Variants in DIP2C observed in about 807,000 individuals in gnomAD.
The protein encoded by DIP2C is DIP2 acetate--CoA ligase C (putative).
Under a neutral mutation model 192.4 loss-of-function variants are expected in DIP2C, and 33 were observed. That is an observed-to-expected ratio of 0.17 (90% CI 0.13 to 0.23). The LOEUF is 0.23. DIP2C is among the 10% of genes least tolerant of loss of function. The probability of loss-of-function intolerance (pLI) is 1.00; values close to 1 mark genes in which losing one functional copy is unlikely to be tolerated. For synonymous variants in DIP2C, 979 were observed against 864.1 expected (o/e 1.13, Z -2.33); for missense variants, 1,537 against 2,110.1 (o/e 0.73, Z 5.32).
intron 1 of DIP2C, among the ~76,000 whole-genome samples, chr10:661,299 T>C (rs1204357551): frequency 1.3e-5 from 2 of 152,188 alleles, no homozygotes; most frequent in Non-Finnish European, 2.9e-5. Context: ...TTCTTCCGTG[T>C]ACCTTTGCCC....
At position 601,010 on chromosome 10, in the gene DIP2C, C is replaced by T. The variant is rs114295155; in HGVS notation, c.85+88484G>A. ...CCTTGCCAAGACTCATGGCACGTTA[C>T]ATGTTCACCTGAGAAGGCTGCTCAG... is the stretch of plus-strand genomic sequence containing the variant. On this transcript the variant is annotated intron_variant, in intron 1 of 36. Transcript: ENST00000280886. 4.9e-3 allele frequency among the ~76,000 whole-genome samples: 745 copies of T among 152,300 alleles called. 6 individuals are homozygous for T. Among genetic ancestry groups the T allele is most frequent in the African/African-American group, 0.017 (694 of 41,554 alleles).
At position 636,334 on chromosome 10, in the gene DIP2C, G is replaced by A. The variant is rs1011313821; in HGVS notation, c.85+53160C>T. 3.9e-5 allele frequency among the ~76,000 whole-genome samples: 6 copies of A among 152,094 alleles called. No homozygotes were observed. Among genetic ancestry groups the A allele is most frequent in the African/African-American group, 1.4e-4 (6 of 41,398 alleles). Reference sequence around the variant, plus strand: ...AAATGTTCAAACATATTTAAAAAGTGGAAGAACAGTACAATGAGTGGCCAA... The same window carrying A: ...AAATGTTCAAACATATTTAAAAAGTAGAAGAACAGTACAATGAGTGGCCAA... On this transcript the variant is annotated intron_variant, in intron 1 of 36. Coordinates refer to ENST00000280886, the MANE Select transcript of DIP2C (RefSeq NM_014974.3). This position sits in a 1 kb window ranked among gnomAD's most constrained non-coding sequence, Gnocchi z 4.6.
At chr10:471,713 C>A (rs1312124484) in intron 3 of DIP2C, among the ~76,000 whole-genome samples, 1 of 147,536 alleles carries the variant, frequency 6.8e-6, no homozygotes, top group African/African-American at 2.7e-5. Flanking sequence ...GTTGGAAAAA[C>A]TCTCTCAGAA....
chr10:389,866 A>G, intron 13 of DIP2C, 125 bp downstream of exon 13: 1 of 753,160 alleles, frequency 1.3e-6, no homozygotes, highest in South Asian at 1.7e-5. Flanking sequence ...CAATAAGTTC[A>G]TGTCAGCGGA....
At chr10:369,049 C>T (rs769349701) in intron 18 of DIP2C, among the ~76,000 whole-genome samples, 1 of 152,260 alleles carries the variant, frequency 6.6e-6, no homozygotes, top group Non-Finnish European at 1.5e-5. Context: ...AAGGTCTCTA[C>T]TGCTGAAAAC....
intron 17 of DIP2C, among the ~76,000 whole-genome samples, chr10:375,324 T>C (rs1459647060): frequency 2.0e-5 from 3 of 152,196 alleles, no homozygotes; most frequent in African/African-American, 7.2e-5. Context: ...GGCTCCCACT[T>C]TGCCTTCTGC....
chr10:541,675 A>T (rs1335355770), intron 1 of DIP2C, among the ~76,000 whole-genome samples: 1 of 61,242 alleles, frequency 1.6e-5, no homozygotes, highest in Admixed American at 1.7e-4. Flanking sequence ...CTCTCCTGGA[A>T]CCCCAAGAGT....
intron 7 of DIP2C, 41 bp downstream of exon 7, chr10:415,728 A>G: frequency 6.2e-7 from 1 of 1,610,728 alleles, no homozygotes; most frequent in South Asian, 1.1e-5. Context: ...ACGGGACCAT[A>G]GGAGCATCTG....
intron 9 of DIP2C, 135 bp from the exon 10 acceptor site, chr10:399,354 GC>G: frequency 3.1e-6 from 2 of 645,492 alleles, no homozygotes; most frequent in Non-Finnish European, 5.5e-6. Context: ...ATTTCAGTAA[GC>G]TGTGTTTTAA....
chr10:586,886 C>T (rs1327099266), intron 1 of DIP2C, among the ~76,000 whole-genome samples: 1 of 151,758 alleles, frequency 6.6e-6, no homozygotes, highest in Non-Finnish European at 1.5e-5. Context: ...GGAGGGGCGA[C>T]CAGCATGAGT....
At chr10:335,977 C>A (rs1445404937) in intron 29 of DIP2C, among the ~76,000 whole-genome samples, 1 of 152,172 alleles carries the variant, frequency 6.6e-6, no homozygotes, top group Non-Finnish European at 1.5e-5. Context: ...CAGCTTACTG[C>A]AACCTCAACC....
chr10:508,185 T>TAC lies in DIP2C; in HGVS notation c.86-21657_86-21656dup, dbSNP rs1419312165. Among the ~76,000 whole-genome samples, 9 of 152,266 alleles carry TAC rather than the reference T, an allele frequency of 5.9e-5. No homozygotes were observed. The South Asian group carries it at 1.9e-3, about 32-fold the overall frequency. On this transcript the variant is annotated intron_variant, in intron 1 of 36. Transcript: ENST00000280886. ...GGCTCACCACCGCGATTCAGTCACT[T>TAC]ACACCCTCATTCCAGGCTGAAAATC...
chr10:578,364 A>T lies in DIP2C; in HGVS notation c.86-91834T>A, dbSNP rs538563042. Among the ~76,000 whole-genome samples, 24 of 152,208 alleles carry T rather than the reference A, an allele frequency of 1.6e-4. 2 individuals are homozygous for T. The highest frequency in any genetic ancestry group is 2.5e-4 in the Non-Finnish European group (17 of 68,038). Reference sequence around the variant, plus strand: ...GTTTCCTGATGAGTGGCGACTTCTCATTTATTGAGCTGAGGGCTGACAAAG... The same window carrying T: ...GTTTCCTGATGAGTGGCGACTTCTCTTTTATTGAGCTGAGGGCTGACAAAG... On this transcript the variant is annotated intron_variant, in intron 1 of 36. Transcript: ENST00000280886.
At chr10:629,163 G>T (rs1372881482) in intron 1 of DIP2C, among the ~76,000 whole-genome samples, 1 of 152,194 alleles carries the variant, frequency 6.6e-6, no homozygotes, top group Non-Finnish European at 1.5e-5. Context: ...CAGACGGAAG[G>T]AACTGGCGGT....
chr10:398,910 C>T (rs1166691572), intron 10 of DIP2C, among the ~76,000 whole-genome samples, 199 bp downstream of exon 10: 1 of 152,196 alleles, frequency 6.6e-6, no homozygotes, highest in African/African-American at 2.4e-5. Context: ...CCACGTTTGA[C>T]CCCAAAGCAA....
chr10:583,705 T>TCATC (rs1215161440), intron 1 of DIP2C, among the ~76,000 whole-genome samples: 2 of 152,126 alleles, frequency 1.3e-5, no homozygotes, highest in Non-Finnish European at 2.9e-5. Flanking sequence ...TCTGCCACGG[T>TCATC]CATCCTCCTT....
chr10:579,980 A>C (rs548680894), intron 1 of DIP2C, among the ~76,000 whole-genome samples: 1 of 151,818 alleles, frequency 6.6e-6, no homozygotes, highest in South Asian at 2.1e-4. Context: ...GCCAATGTAC[A>C]TATACAGGTA....
chr10:619,069 T>A lies in DIP2C; in HGVS notation c.85+70425A>T, dbSNP rs555302486. Among the ~76,000 whole-genome samples the A allele has an allele frequency of 3.3e-5, 5 of 152,206 alleles. No individual in the cohort carries two copies. The South Asian group carries it at 1.0e-3, about 32-fold the overall frequency. On this transcript the variant is annotated intron_variant, in intron 1 of 36. Coordinates refer to ENST00000280886, the MANE Select transcript of DIP2C (RefSeq NM_014974.3). ...GAATTCTAGTCGCTGTCTCCTGAGC[T>A]GTGTGGCAGGCGGACATACCTTCAG...
intron 1 of DIP2C, among the ~76,000 whole-genome samples, chr10:550,530 T>C (rs982018770): frequency 1.3e-5 from 2 of 152,186 alleles, no homozygotes; most frequent in African/African-American, 2.4e-5. Flanking sequence ...CTGTTTACTA[T>C]AGATATCAAC....
Sources: allele counts gnomAD v4.1 joint callset (sites outside exome capture counted in the v4.1 genomes callset), GRCh38; gene constraint gnomAD v4.1.1; non-coding constraint Gnocchi (gnomAD v3.1); transcripts MANE v1.5; gene names NCBI Gene and HGNC (gene_info 2026-07-23, HGNC 2026-07-21).